The following KCNMB2 variants were observed in gnomAD, a reference collection of about 807,000 sequenced individuals.
KCNMB2 encodes potassium calcium-activated channel subfamily M regulatory beta subunit 2.
A neutral mutation model predicts 24.5 loss-of-function variants in KCNMB2; 9 were observed. The observed-to-expected ratio is 0.37, with a 90% confidence interval of 0.22 to 0.64. The LOEUF (loss-of-function observed/expected upper bound fraction) is 0.64. Among genes scored for constraint, KCNMB2 ranks in the 30% least tolerant of loss-of-function variants. KCNMB2 has a pLI of 0.63. For missense variants in KCNMB2, 226 were observed against 284.3 expected, an observed-to-expected ratio of 0.79 and a Z score of 1.47; for synonymous variants, 109 against 104.4, an observed-to-expected ratio of 1.04 and a Z score of -0.27.
chr3:178,675,085 T>C (rs1177957897), intron 1 of KCNMB2, among the ~76,000 whole-genome samples: 3 of 152,190 alleles, frequency 2.0e-5, no homozygotes, highest in Non-Finnish European at 2.9e-5. Context: ...CTCAGCACCA[T>C]ATCCAGCACA....
intron 1 of KCNMB2, among the ~76,000 whole-genome samples, chr3:178,732,666 TGTTGC>T (rs1447507098): frequency 6.6e-6 from 1 of 152,236 alleles, no homozygotes; most frequent in African/African-American, 2.4e-5. Context: ...GTTATAATGA[TGTTGC>T]CCTGAGTGCA....
chr3:178,816,851 G>A (rs895776368), intron 2 of KCNMB2, among the ~76,000 whole-genome samples: 1 of 152,042 alleles, frequency 6.6e-6, no homozygotes, highest in Non-Finnish European at 1.5e-5. Flanking sequence ...AAAAAGGCCA[G>A]TACTTCTCAA....
intron 1 of KCNMB2, among the ~76,000 whole-genome samples, chr3:178,678,034 C>T (rs562974080): frequency 4.6e-5 from 7 of 152,282 alleles, no homozygotes; most frequent in East Asian, 3.9e-4. Flanking sequence ...CCTCTATAAA[C>T]GGGCCAGAAC....
At chr3:178,679,040 G>GTTTTTTATT (rs1308658664) in intron 1 of KCNMB2, among the ~76,000 whole-genome samples, 2 of 115,630 alleles carry the variant, frequency 1.7e-5, no homozygotes, top group African/African-American at 7.5e-5. Flanking sequence ...TTGTTTGTTT[G>GTTTTTTATT]TTTTTTGTTT....
chr3:178,767,712 A>G (rs530581770), intron 1 of KCNMB2, among the ~76,000 whole-genome samples: 1 of 152,270 alleles, frequency 6.6e-6, no homozygotes, highest in East Asian at 1.9e-4. Context: ...GAGTGGGACT[A>G]TTTGAGGTCA....
At chr3:178,739,821 C>T (rs939245842) in intron 1 of KCNMB2, among the ~76,000 whole-genome samples, 10 of 152,076 alleles carry the variant, frequency 6.6e-5, no homozygotes. Context: ...AAAACTTCTC[C>T]AAATCAGAAG....
At chr3:178,625,396 C>G (rs1233302178) in intron 1 of KCNMB2, among the ~76,000 whole-genome samples, 1 of 152,220 alleles carries the variant, frequency 6.6e-6, no homozygotes, top group Non-Finnish European at 1.5e-5. Flanking sequence ...AGGGACCTGG[C>G]TGGAGCTCCG....
At chr3:178,718,826 A>G (rs981932044) in intron 1 of KCNMB2, among the ~76,000 whole-genome samples, 14 of 152,154 alleles carry the variant, frequency 9.2e-5, no homozygotes, top group Admixed American at 8.5e-4. Context: ...CTAAGCAAAT[A>G]TATGGTCATA....
At chr3:178,837,460 T>A (rs929953490) in intron 4 of KCNMB2, among the ~76,000 whole-genome samples, 6 of 152,196 alleles carry the variant, frequency 3.9e-5, no homozygotes, top group African/African-American at 1.4e-4. Context: ...ATACTACTCA[T>A]ATATTCATGA....
chr3:178,670,875 A>T (rs1720875908), intron 1 of KCNMB2, among the ~76,000 whole-genome samples: 1 of 152,094 alleles, frequency 6.6e-6, no homozygotes, highest in South Asian at 2.1e-4. Flanking sequence ...TAGGTCTTCT[A>T]ACTCACACTT....
At chr3:178,676,615 T>C (rs140574634) in intron 1 of KCNMB2, among the ~76,000 whole-genome samples, 1,933 of 152,264 alleles carry the variant, frequency 0.013, 24 homozygotes, top group Non-Finnish European at 0.02. Context: ...GTTTTTTTAT[T>C]GTCACCCAGG....
At chr3:178,774,365 A>G (rs1712494157) in intron 1 of KCNMB2, among the ~76,000 whole-genome samples, 1 of 152,224 alleles carries the variant, frequency 6.6e-6, no homozygotes, top group African/African-American at 2.4e-5. Flanking sequence ...AAACATATCT[A>G]CAGAGCCCTT....
At chr3:178,560,218 C>G (rs192106329) in intron 1 of KCNMB2, among the ~76,000 whole-genome samples, 2 of 151,936 alleles carry the variant, frequency 1.3e-5, no homozygotes, top group East Asian at 3.9e-4. Flanking sequence ...ATAGTTTGTA[C>G]CATTTGGCTC....
chr3:178,647,205 C>A (rs1393736847), intron 1 of KCNMB2, among the ~76,000 whole-genome samples: 1 of 151,968 alleles, frequency 6.6e-6, no homozygotes, highest in Non-Finnish European at 1.5e-5. Flanking sequence ...CAGGCTGCAA[C>A]CCTTTATAAG....
At chr3:178,572,317 A>G (rs1560114095) in intron 1 of KCNMB2, among the ~76,000 whole-genome samples, 1 of 152,326 alleles carries the variant, frequency 6.6e-6, no homozygotes, top group South Asian at 2.1e-4. Context: ...ATGACTACCT[A>G]TTTAACAGAG....
chr3:178,721,345 G>C (rs1018127043), intron 1 of KCNMB2, among the ~76,000 whole-genome samples: 1 of 152,222 alleles, frequency 6.6e-6, no homozygotes, highest in Non-Finnish European at 1.5e-5. Flanking sequence ...TCTCTGTTTT[G>C]GTACCAGTAT....
At chr3:178,606,038 A>C (rs1361574527) in intron 1 of KCNMB2, among the ~76,000 whole-genome samples, 2 of 152,238 alleles carry the variant, frequency 1.3e-5, no homozygotes, top group East Asian at 3.8e-4. Context: ...TGTAGATTTA[A>C]TCAGCCACCC....
intron 1 of KCNMB2, among the ~76,000 whole-genome samples, chr3:178,620,263 C>T (rs1217101340): frequency 1.3e-5 from 2 of 151,512 alleles, no homozygotes; most frequent in Non-Finnish European, 2.9e-5. Context: ...GAAAAAAATG[C>T]CAAAATGCTA....
chr3:178,567,381 A>C (rs1311066987), intron 1 of KCNMB2, among the ~76,000 whole-genome samples: 2 of 152,208 alleles, frequency 1.3e-5, no homozygotes, highest in Non-Finnish European at 2.9e-5. Flanking sequence ...GTGGAGATTA[A>C]GTAGACACAT....
Sources: allele counts gnomAD v4.1 joint callset (sites outside exome capture counted in the v4.1 genomes callset), GRCh38; gene constraint gnomAD v4.1.1; transcripts MANE v1.5; gene names NCBI Gene and HGNC (gene_info 2026-07-23, HGNC 2026-07-21).